Variants in SOX6 observed in about 807,000 individuals in gnomAD.
SOX6 encodes the protein transcription factor SOX-6.
Under a neutral mutation model 97.8 loss-of-function variants are expected in SOX6, and 11 were observed. That is an observed-to-expected ratio of 0.11 (90% CI 0.07 to 0.19). The LOEUF is 0.19. Among genes scored for constraint, SOX6 ranks in the 10% least tolerant of loss-of-function variants. The probability of loss-of-function intolerance (pLI) is 1.00; values close to 1 mark genes in which losing one functional copy is unlikely to be tolerated. For missense variants in SOX6, 810 were observed against 1,039.5 expected, an observed-to-expected ratio of 0.78 and a Z score of 3.04; for synonymous variants, 360 against 371.4, an observed-to-expected ratio of 0.97 and a Z score of 0.35.
intron 4 of SOX6, among the ~76,000 whole-genome samples, chr11:16,609,369 T>C (rs928144504): frequency 1.3e-4 from 20 of 152,188 alleles, no homozygotes; most frequent in Non-Finnish European, 1.3e-4. Flanking sequence ...CTGCAGAGAT[T>C]TGTGAAGGAG....
intron 4 of SOX6, among the ~76,000 whole-genome samples, chr11:16,524,275 C>A (rs1439803115): frequency 6.6e-6 from 1 of 151,504 alleles, no homozygotes; most frequent in Non-Finnish European, 1.5e-5. Context: ...AAAAGCTTAT[C>A]CACCATGATC....
chr11:16,267,800 G>A (rs1157376192), intron 3 of SOX6, among the ~76,000 whole-genome samples: 2 of 151,504 alleles, frequency 1.3e-5, no homozygotes, highest in Non-Finnish European at 1.5e-5. Flanking sequence ...CAAGCTAAGT[G>A]TCCATCAATG....
chr11:16,473,584 C>T (rs1233961231), intron 1 of SOX6, among the ~76,000 whole-genome samples: 1 of 142,556 alleles, frequency 7.0e-6, no homozygotes, highest in Non-Finnish European at 1.5e-5. Flanking sequence ...TGGAATCTTG[C>T]TCTGTCGCCC....
intron 1 of SOX6, among the ~76,000 whole-genome samples, chr11:16,459,756 T>C (rs1240698994): frequency 6.6e-6 from 1 of 151,926 alleles, no homozygotes; most frequent in Non-Finnish European, 1.5e-5. Flanking sequence ...GACTTATAAA[T>C]AGAAACAATC....
chr11:16,685,107 G>A (rs1847959338), intron 3 of SOX6, among the ~76,000 whole-genome samples: 1 of 151,788 alleles, frequency 6.6e-6, no homozygotes, highest in Admixed American at 6.6e-5. Flanking sequence ...TCAACTTTGG[G>A]GAATACAATT....
At chr11:16,041,673 A>G (rs1855670678) in intron 12 of SOX6, among the ~76,000 whole-genome samples, 1 of 152,198 alleles carries the variant, frequency 6.6e-6, no homozygotes, top group African/African-American at 2.4e-5. Context: ...TTGTGGAAAC[A>G]TATTAAAGAA....
At chr11:15,976,472 C>T (rs1480285163) in intron 15 of SOX6, among the ~76,000 whole-genome samples, 1 of 152,158 alleles carries the variant, frequency 6.6e-6, no homozygotes, top group Non-Finnish European at 1.5e-5. Context: ...ATTCCCTTTC[C>T]TTTCCTCCTT....
At position 16,074,772 on chromosome 11, in the gene SOX6, T is replaced by C. The variant is rs144269021; in HGVS notation, c.1102-18871A>G. Among the ~76,000 whole-genome samples, 10 of 152,302 alleles carry C rather than the reference T, an allele frequency of 6.6e-5. No homozygotes were observed. The East Asian group carries it at 1.7e-3, about 26-fold the overall frequency. On this transcript the variant is annotated intron_variant, in intron 9 of 15. Coordinates refer to ENST00000683767, the MANE Select transcript of SOX6 (RefSeq NM_001367873.1). ...TGCTCATGGATAGGATGACTCAATATTGTTAAAATGGCCATACTGCCAAAA... is the reference window on the plus strand; with the variant it reads ...TGCTCATGGATAGGATGACTCAATACTGTTAAAATGGCCATACTGCCAAAA...
At chr11:15,976,419 C>T (rs1853488686) in intron 15 of SOX6, among the ~76,000 whole-genome samples, 1 of 152,160 alleles carries the variant, frequency 6.6e-6, no homozygotes, top group Non-Finnish European at 1.5e-5. Flanking sequence ...TAAGTAAGAA[C>T]ATATATGCAA....
chr11:16,186,105 C>T (rs560742062), intron 5 of SOX6, among the ~76,000 whole-genome samples: 28 of 152,122 alleles, frequency 1.8e-4, no homozygotes, highest in African/African-American at 4.8e-4. Flanking sequence ...AAAAGACATA[C>T]ATTTAAACTT....
chr11:16,486,293 T>C (rs540110082), intron 4 of SOX6, among the ~76,000 whole-genome samples: 1 of 152,244 alleles, frequency 6.6e-6, no homozygotes, highest in South Asian at 2.1e-4. Flanking sequence ...GAATATATTT[T>C]GTAACTTTTC....
intron 4 of SOX6, among the ~76,000 whole-genome samples, chr11:16,587,931 C>T (rs1316140456): frequency 6.6e-6 from 1 of 152,190 alleles, no homozygotes; most frequent in African/African-American, 2.4e-5. Flanking sequence ...AGCCCAACCT[C>T]CTTCACAGGC....
intron 1 of SOX6, among the ~76,000 whole-genome samples, chr11:16,385,620 T>A (rs1317214878): frequency 6.6e-6 from 1 of 152,126 alleles, no homozygotes; most frequent in Non-Finnish European, 1.5e-5. Context: ...CATATTTTAA[T>A]CCATTTTAAA....
At chr11:16,251,319 A>T (rs1029111760) in intron 3 of SOX6, among the ~76,000 whole-genome samples, 1 of 152,118 alleles carries the variant, frequency 6.6e-6, no homozygotes, top group African/African-American at 2.4e-5. Flanking sequence ...AAATAAGCAA[A>T]ACTAAAAGAT....
chr11:16,704,685 C>A (rs1848118834), intron 3 of SOX6, among the ~76,000 whole-genome samples: 1 of 152,096 alleles, frequency 6.6e-6, no homozygotes, highest in Non-Finnish European at 1.5e-5. Context: ...ATAGAATGTC[C>A]AAATTCAATT....
intron 1 of SOX6, among the ~76,000 whole-genome samples, chr11:16,395,929 T>C (rs1590184179): frequency 2.0e-5 from 3 of 151,926 alleles, no homozygotes; most frequent in Admixed American, 2.0e-4. Flanking sequence ...ATTTTCATAA[T>C]AAAAATTGTT....
chr11:16,493,836 C>T (rs749865357), intron 4 of SOX6, among the ~76,000 whole-genome samples: 1 of 152,062 alleles, frequency 6.6e-6, no homozygotes, highest in South Asian at 2.1e-4. Flanking sequence ...ACAGCAGCTA[C>T]GAAAGGCAAT....
chr11:16,455,679 G>A (rs1049357944), intron 1 of SOX6, among the ~76,000 whole-genome samples: 1 of 152,032 alleles, frequency 6.6e-6, no homozygotes, highest in Non-Finnish European at 1.5e-5. Context: ...AAATTATGAG[G>A]TGTGTCCTGG....
At chr11:16,372,952 G>A (rs1050739197) in intron 1 of SOX6, among the ~76,000 whole-genome samples, 2 of 152,014 alleles carry the variant, frequency 1.3e-5, no homozygotes, top group African/African-American at 2.4e-5. Flanking sequence ...TAGTTAGTGC[G>A]AACTATGTTC....
Sources: allele counts gnomAD v4.1 joint callset (sites outside exome capture counted in the v4.1 genomes callset), GRCh38; gene constraint gnomAD v4.1.1; transcripts MANE v1.5; gene names NCBI Gene and HGNC (gene_info 2026-07-23, HGNC 2026-07-21).